ADAM22: variants seen among roughly 807,000 people sequenced by gnomAD.
ADAM22 encodes the protein ADAM metallopeptidase domain 22.
A neutral mutation model predicts 144.6 loss-of-function variants in ADAM22; 65 were observed. The ratio of observed to expected loss-of-function variants is 0.45; its 90% CI spans 0.37 to 0.55. ADAM22 has a LOEUF of 0.55. ADAM22 is among the 20% of genes least tolerant of loss of function. The pLI is 0.00. For synonymous variants in ADAM22, 391 were observed against 412.6 expected (o/e 0.95, Z 0.63); for missense variants, 974 against 1,184.9 (o/e 0.82, Z 2.61).
intron 2 of ADAM22, among the ~76,000 whole-genome samples, chr7:87,939,717 A>G (rs917510558): frequency 6.6e-6 from 1 of 152,208 alleles, no homozygotes; most frequent in Non-Finnish European, 1.5e-5. Flanking sequence ...TACTATTTAG[A>G]TATTTTATGA....
rs144854425 is a variant in ADAM22, at chr7:88,169,128, G to C, written c.2282+901G>C. On this transcript the variant is annotated intron_variant, in intron 25 of 31. Transcript: ENST00000413139. ...TTGCACCAAAGGAAACATCTTTATA[G>C]TGTACATGGTAATTGCTTGTGAGGT... Among the ~76,000 whole-genome samples, 21 of 152,208 alleles carry C rather than the reference G, an allele frequency of 1.4e-4. No individual in the cohort carries two copies. In the East Asian group the frequency reaches 3.9e-3, roughly 28 times the overall value.
At chr7:88,140,083 G>A (rs1376946954) in intron 14 of ADAM22, among the ~76,000 whole-genome samples, 3 of 152,092 alleles carry the variant, frequency 2.0e-5, no homozygotes, top group African/African-American at 7.2e-5. Flanking sequence ...AAGAGAGGGA[G>A]CAGGGGAGAA....
intron 2 of ADAM22, among the ~76,000 whole-genome samples, chr7:87,974,129 A>T (rs1851272429): frequency 2.7e-5 from 4 of 150,828 alleles, no homozygotes; most frequent in Non-Finnish European, 4.4e-5. Context: ...CCTTGTCTCT[A>T]CTAAAAAGAA....
chr7:87,990,948 G>A (rs1789687574), intron 3 of ADAM22, among the ~76,000 whole-genome samples: 3 of 152,186 alleles, frequency 2.0e-5, no homozygotes, highest in Admixed American at 6.5e-5. Flanking sequence ...GCAGACGTGA[G>A]CCACCACACC....
At position 88,073,305 on chromosome 7, in the gene ADAM22, G is replaced by T. The variant is rs375597635; in HGVS notation, c.324-2321G>T. 5.9e-5 allele frequency among the ~76,000 whole-genome samples: 9 copies of T among 152,238 alleles called. No individual in the cohort carries two copies. In the South Asian group the frequency reaches 8.3e-4, roughly 14 times the overall value. ...TTTCTTTTTTTAATCTTGGAATAAT[G>T]TATTTTCTATAAGATGGTGAGAATT... On this transcript the variant is annotated intron_variant, in intron 3 of 31. Transcript: ENST00000413139.
At chr7:88,119,409 GC>G (rs1230639827) in intron 7 of ADAM22, among the ~76,000 whole-genome samples, 1 of 152,156 alleles carries the variant, frequency 6.6e-6, no homozygotes, top group Non-Finnish European at 1.5e-5. Context: ...TTTAGCACAT[GC>G]CTGTGAGGTT....
intron 17 of ADAM22, among the ~76,000 whole-genome samples, chr7:88,146,840 C>T (rs537123654): frequency 2.0e-5 from 3 of 152,318 alleles, no homozygotes; most frequent in Admixed American, 2.0e-4. Flanking sequence ...TGTCTCCTGG[C>T]AGCTTTTTAA....
rs373664195 is a variant in ADAM22 at position 88,160,484 on chromosome 7, A to G, written c.1908-2528A>G. Among the ~76,000 whole-genome samples, 4 of 152,256 alleles carry G rather than the reference A, an allele frequency of 2.6e-5. No individual in the cohort carries two copies. The East Asian group carries it at 5.8e-4, about 22-fold the overall frequency. ...ATAGTACAGGGCTACAGTAACCAAAACAGCATGGTACTGGTACAAAAACAG... is the reference window on the plus strand; with the variant it reads ...ATAGTACAGGGCTACAGTAACCAAAGCAGCATGGTACTGGTACAAAAACAG... On this transcript the variant is annotated intron_variant, in intron 22 of 31. Coordinates refer to ENST00000413139, the MANE Select transcript of ADAM22 (RefSeq NM_001324418.2).
intron 3 of ADAM22, among the ~76,000 whole-genome samples, chr7:88,044,300 G>T (rs1803943289): frequency 6.6e-6 from 1 of 152,148 alleles, no homozygotes; most frequent in East Asian, 1.9e-4. Flanking sequence ...TGATTATGAT[G>T]ATGATGTCTT....
intron 14 of ADAM22, among the ~76,000 whole-genome samples, chr7:88,140,749 T>G (rs1834371740): frequency 6.6e-6 from 1 of 152,082 alleles, no homozygotes; most frequent in Non-Finnish European, 1.5e-5. Context: ...GGTGGGAGAA[T>G]CACTTGACCC....
At position 88,039,897 on chromosome 7, in the gene ADAM22, T is replaced by C. The variant is rs139354873; in HGVS notation, c.324-35729T>C. On this transcript the variant is annotated intron_variant, in intron 3 of 31. Transcript: ENST00000413139. ...AAAACTCTTAATAGTAATTCTTCCT[T>C]CCTTTTCTCCAGCTTCTTTTTAGCA... Among the ~76,000 whole-genome samples, 64 of 151,982 alleles carry C rather than the reference T, an allele frequency of 4.2e-4. No individual in the cohort carries two copies. The East Asian group carries it at 0.012, about 28-fold the overall frequency.
At chr7:88,014,188 A>G (rs752759206) in intron 3 of ADAM22, among the ~76,000 whole-genome samples, 4 of 152,152 alleles carry the variant, frequency 2.6e-5, no homozygotes, top group Non-Finnish European at 5.9e-5. Context: ...GATGAATAAC[A>G]TGTAGCTGTA....
chr7:88,010,118 G>A (rs147561138), intron 3 of ADAM22, among the ~76,000 whole-genome samples: 3 of 151,952 alleles, frequency 2.0e-5, no homozygotes, highest in African/African-American at 7.2e-5. Context: ...CTTGGAAGAG[G>A]CTCTTAGGTT....
chr7:87,974,219 G>T (rs1160723281), intron 2 of ADAM22, among the ~76,000 whole-genome samples: 1 of 150,916 alleles, frequency 6.6e-6, no homozygotes, highest in Non-Finnish European at 1.5e-5. Context: ...CAGGAGAATG[G>T]TGTGAACCTG....
intron 3 of ADAM22, among the ~76,000 whole-genome samples, chr7:88,010,260 A>G (rs1795052124): frequency 6.6e-6 from 1 of 152,180 alleles, no homozygotes; most frequent in Non-Finnish European, 1.5e-5. Flanking sequence ...TGATAAAATT[A>G]TCACAGGTTT....
rs1345109401 is a variant in ADAM22 at position 88,113,699 on chromosome 7, AATAAATATATATATAT to A, written c.474-881_474-866del. Among the ~76,000 whole-genome samples, 9 of 39,462 alleles carry A rather than the reference AATAAATATATATATAT, an allele frequency of 2.3e-4. 2 individuals are homozygous for A. The highest frequency in any genetic ancestry group is 2.7e-4 in the Non-Finnish European group (6 of 22,402). 25.9% of individuals were successfully genotyped at this position (39,462 alleles called of 152,430 possible). A position where few individuals can be genotyped will look rare whatever the true frequency, so the allele number is the denominator to read the frequency against. On this transcript the variant is annotated intron_variant, in intron 5 of 31. Coordinates refer to ENST00000413139, the MANE Select transcript of ADAM22 (RefSeq NM_001324418.2). ...ATAATATATATATTATAAATAAATA[AATAAATATATATATAT>A]ATATATATATATATATATATATATA...
intron 7 of ADAM22, among the ~76,000 whole-genome samples, chr7:88,123,408 A>T (rs1220243641): frequency 6.6e-6 from 1 of 152,076 alleles, no homozygotes; most frequent in Admixed American, 6.6e-5. Flanking sequence ...TTAATTAAGA[A>T]TTAAAGTTAT....
At chr7:88,182,870 T>C (rs1255316926) in intron 29 of ADAM22, among the ~76,000 whole-genome samples, 1 of 152,196 alleles carries the variant, frequency 6.6e-6, no homozygotes, top group East Asian at 1.9e-4. Context: ...AATTTTTTAC[T>C]TATTTCTCAC....
intron 3 of ADAM22, among the ~76,000 whole-genome samples, chr7:88,007,651 G>A (rs1446417740): frequency 2.0e-5 from 3 of 152,132 alleles, no homozygotes; most frequent in Non-Finnish European, 4.4e-5. Context: ...AATGGGGAAA[G>A]GATTCCCTAT....
Sources: gnomAD v4.1 joint callset for allele counts (sites outside exome capture counted in the v4.1 genomes callset) on GRCh38, gnomAD v4.1.1 for gene constraint, MANE v1.5 for transcripts, NCBI Gene and HGNC (gene_info 2026-07-23, HGNC 2026-07-21) for gene names.